The following CYTH1 variants were observed in gnomAD, a reference collection of about 807,000 sequenced individuals.
CYTH1 encodes cytohesin-1.
A neutral mutation model predicts 61.8 loss-of-function variants in CYTH1; 18 were observed. That is an observed-to-expected ratio of 0.29 (90% CI 0.20 to 0.43). The LOEUF is 0.43. Ranked by LOEUF, CYTH1 falls within the 20% of genes least tolerant of loss-of-function variation. The pLI, the probability that CYTH1 is intolerant of heterozygous loss-of-function variation, is 1.00. For synonymous variants in CYTH1, 174 were observed against 184.3 expected (o/e 0.94, Z 0.45); for missense variants, 336 against 510.5 (o/e 0.66, Z 3.29).
At chr17:78,703,715 A>AT (rs2093037129) in intron 3 of CYTH1, among the ~76,000 whole-genome samples, 1 of 152,194 alleles carries the variant, frequency 6.6e-6, no homozygotes, top group African/African-American at 2.4e-5. Context: ...GGCTTCTTTC[A>AT]TTAGCATAAT....
rs12325859 is a variant in CYTH1 at position 78,760,445 on chromosome 17, A to G, written c.22+21757T>C. Reference sequence around the variant, plus strand: ...TATATACACATACATATATATATGTATATATATATACATACATATATATAT... The same window carrying G: ...TATATACACATACATATATATATGTGTATATATATACATACATATATATAT... On this transcript the variant is annotated intron_variant, in intron 1 of 13. Coordinates refer to ENST00000446868, the MANE Select transcript of CYTH1 (RefSeq NM_004762.6). Among the ~76,000 whole-genome samples the G allele has an allele frequency of 9.8e-3, 617 of 62,726 alleles. 87 individuals carry two copies. The highest frequency in any genetic ancestry group is 0.039 in the African/African-American group (566 of 14,586). The allele number at this position is 62,726 out of a possible 152,430, so 41.2% of individuals were successfully genotyped here. A position where few individuals can be genotyped will look rare whatever the true frequency, so the allele number is the denominator to read the frequency against.
At chr17:78,772,066 C>T (rs143818959) in intron 1 of CYTH1, among the ~76,000 whole-genome samples, 1 of 152,266 alleles carries the variant, frequency 6.6e-6, no homozygotes, top group Non-Finnish European at 1.5e-5. Context: ...TCTATGATTG[C>T]AACTGAAACT....
At position 78,680,208 on chromosome 17, in the gene CYTH1, T is replaced by C; in HGVS notation, c.1100A>G (p.Glu367Gly). The C allele has an allele frequency of 6.2e-7, 1 of 1,614,098 alleles. No individual in the cohort carries two copies. Among genetic ancestry groups the C allele is most frequent in the Non-Finnish European group, 8.5e-7 (1 of 1,180,002 alleles). ...ISAPTPEEKE[E>G]WIKCIKAAIS... ...CACTTACTTAATGCACTTAATCCAC[T>C]CCTCCTTCTCCTCGGGCGTCGGAGC... Residue 367 changes from glutamate to glycine, a missense_variant, in exon 13 of 14, where the codon GAG becomes GGG. Glu to Gly is a moderately conservative substitution (Grantham distance 98, BLOSUM62 -2). Transcript: ENST00000446868.
intron 1 of CYTH1, among the ~76,000 whole-genome samples, chr17:78,759,123 A>G (rs1223774531): frequency 6.6e-6 from 1 of 152,214 alleles, no homozygotes; most frequent in African/African-American, 2.4e-5. Context: ...GAAAATTTCC[A>G]TAATAATAAT....
At chr17:78,689,675 C>T (rs2092857085) in intron 11 of CYTH1, among the ~76,000 whole-genome samples, 1 of 152,192 alleles carries the variant, frequency 6.6e-6, no homozygotes, top group South Asian at 2.1e-4. Context: ...GGATGGATAT[C>T]ATGCTCATGG....
intron 1 of CYTH1, among the ~76,000 whole-genome samples, chr17:78,732,346 G>T (rs926737479): frequency 6.6e-6 from 1 of 152,170 alleles, no homozygotes; most frequent in Non-Finnish European, 1.5e-5. Flanking sequence ...AAACTTGGGA[G>T]GCTACACAAA....
At chr17:78,732,310 T>G (rs1180766036) in intron 1 of CYTH1, among the ~76,000 whole-genome samples, 1 of 152,186 alleles carries the variant, frequency 6.6e-6, no homozygotes, top group Non-Finnish European at 1.5e-5. Flanking sequence ...GCCAGTCCTG[T>G]GCTTTCATAT....
chr17:78,677,319 C>T (rs1015271438), intron 13 of CYTH1: 9 of 322,380 alleles, frequency 2.8e-5, no homozygotes, highest in South Asian at 1.9e-4. Flanking sequence ...TGTGGCACTG[C>T]CCTGTGTGCA....
chr17:78,712,234 AAAAAG>A (rs1371693749), intron 1 of CYTH1, among the ~76,000 whole-genome samples: 6 of 152,230 alleles, frequency 3.9e-5, no homozygotes, highest in South Asian at 2.1e-4. Flanking sequence ...AAAGAAACAG[AAAAAG>A]AAAAGAAATG....
intron 11 of CYTH1, among the ~76,000 whole-genome samples, chr17:78,690,620 C>T (rs1307958299): frequency 6.6e-6 from 1 of 151,756 alleles, no homozygotes; most frequent in East Asian, 1.9e-4. Context: ...CACTTGAACC[C>T]AGGAGGCAGA....
intron 1 of CYTH1, among the ~76,000 whole-genome samples, chr17:78,762,869 C>T (rs887590009): frequency 1.4e-4 from 21 of 152,172 alleles, no homozygotes; most frequent in African/African-American, 4.8e-4. Flanking sequence ...AGAAACACAA[C>T]CCTGCTGAAA....
At chr17:78,731,733 G>C (rs2093295376) in intron 1 of CYTH1, among the ~76,000 whole-genome samples, 1 of 149,336 alleles carries the variant, frequency 6.7e-6, no homozygotes. Context: ...ACTCCAGCCT[G>C]GGCGACAGCG....
intron 1 of CYTH1, among the ~76,000 whole-genome samples, chr17:78,777,414 T>A (rs2144778026): frequency 6.6e-6 from 1 of 151,998 alleles, no homozygotes; most frequent in Non-Finnish European, 1.5e-5. Context: ...CAAGACTCCG[T>A]CTCAAAAATA....
intron 9 of CYTH1, among the ~76,000 whole-genome samples, chr17:78,697,084 G>A (rs2092946857): frequency 1.3e-5 from 2 of 152,290 alleles, no homozygotes; most frequent in African/African-American, 2.4e-5. Flanking sequence ...ATAAGCACAA[G>A]GACTTGGGAT....
chr17:78,770,008 G>A (rs1277182170), intron 1 of CYTH1, among the ~76,000 whole-genome samples: 2 of 152,034 alleles, frequency 1.3e-5, no homozygotes, highest in Admixed American at 1.3e-4. Flanking sequence ...AACTGAGCTG[G>A]GCATGGTGGC....
At chr17:78,756,964 G>C (rs1000301120) in intron 1 of CYTH1, among the ~76,000 whole-genome samples, 7 of 150,824 alleles carry the variant, frequency 4.6e-5, no homozygotes, top group Non-Finnish European at 1.0e-4. Flanking sequence ...GGAATTTCAA[G>C]GTTTGAATTT....
Position 78,781,183 on chromosome 17 carries a change from A to G in CYTH1, c.22+1019T>C, listed in dbSNP as rs914741513. On this transcript the variant is annotated intron_variant, in intron 1 of 13. Coordinates refer to ENST00000446868, the MANE Select transcript of CYTH1 (RefSeq NM_004762.6). ...GATCTCGTCTCTTAAAAAAAAAAAAAAAAGAAAAATGTCCCATTAGTTATT... is the reference window on the plus strand; with the variant it reads ...GATCTCGTCTCTTAAAAAAAAAAAAGAAAGAAAAATGTCCCATTAGTTATT... 9.9e-5 allele frequency among the ~76,000 whole-genome samples: 15 copies of G among 151,440 alleles called. 4 individuals are homozygous for G. The highest frequency in any genetic ancestry group is 1.3e-4 in the Admixed American group (2 of 15,212).
Position 78,749,353 on chromosome 17 carries a change from G to A in CYTH1, c.22+32849C>T, listed in dbSNP as rs113103017. ...TAGGCACCTGTAATCCCAGCTACTC[G>A]GGAGGCTGAGACAGGAGAATTGCTT... On this transcript the variant is annotated intron_variant, in intron 1 of 13. Coordinates refer to ENST00000446868, the MANE Select transcript of CYTH1 (RefSeq NM_004762.6). Among the ~76,000 whole-genome samples, 711 of 152,230 alleles carry A rather than the reference G, an allele frequency of 4.7e-3. 1 individual carries two copies. Among genetic ancestry groups the A allele is most frequent in the African/African-American group, 0.016 (679 of 41,520 alleles).
chr17:78,737,596 T>C (rs1329977321), intron 1 of CYTH1, among the ~76,000 whole-genome samples: 2 of 141,778 alleles, frequency 1.4e-5, no homozygotes, highest in East Asian at 4.1e-4. Flanking sequence ...AAGCAGATAT[T>C]AGAGGCAAAA....
Sources: gnomAD v4.1 joint callset for allele counts (sites outside exome capture counted in the v4.1 genomes callset) on GRCh38, gnomAD v4.1.1 for gene constraint, MANE v1.5 for transcripts, NCBI Gene and HGNC (gene_info 2026-07-23, HGNC 2026-07-21) for gene names.